The following ITPR2 variants were observed in gnomAD, a reference collection of about 807,000 sequenced individuals.
ITPR2 encodes the protein inositol 1,4,5-trisphosphate receptor type 2.
Under a neutral mutation model 317.1 loss-of-function variants are expected in ITPR2, and 207 were observed. The ratio of observed to expected loss-of-function variants is 0.65; its 90% CI spans 0.58 to 0.73. The LOEUF (loss-of-function observed/expected upper bound fraction) is 0.73, where lower values mean the gene tolerates loss of function less well. ITPR2 is among the 30% of genes least tolerant of loss of function. The probability of loss-of-function intolerance (pLI) is 0.00; values close to 1 mark genes in which losing one functional copy is unlikely to be tolerated. For missense variants in ITPR2, 2,613 were observed against 3,284.0 expected, an observed-to-expected ratio of 0.80 and a Z score of 4.99; for synonymous variants, 1,156 against 1,149.1, an observed-to-expected ratio of 1.01 and a Z score of -0.12.
At chr12:26,821,796 AG>A (rs1271879002) in intron 1 of ITPR2, among the ~76,000 whole-genome samples, 3 of 152,374 alleles carry the variant, frequency 2.0e-5, no homozygotes, top group Admixed American at 2.0e-4. Context: ...CAAGAGTTCC[AG>A]GGCAATTCAC....
rs55797555 is a variant in ITPR2 at position 26,769,027 on chromosome 12, C to CACACACACACACACACACA, written c.163+21129_163+21130insTGTGTGTGTGTGTGTGTGT. On this transcript the variant is annotated intron_variant, in intron 2 of 56. Coordinates refer to ENST00000381340, the MANE Select transcript of ITPR2 (RefSeq NM_002223.4). Reference sequence around the variant, plus strand: ...CACACACACACACACACACACACACCCCAATCTCAGCCACATAGTAAAACA... The same window carrying CACACACACACACACACACA: ...CACACACACACACACACACACACACCACACACACACACACACACACCAATCTCAGCCACATAGTAAAACA... Among the ~76,000 whole-genome samples the CACACACACACACACACACA allele has an allele frequency of 3.4e-3, 380 of 112,324 alleles. 3 individuals carry two copies. Among genetic ancestry groups the CACACACACACACACACACA allele is most frequent in the Non-Finnish European group, 4.9e-3 (284 of 58,140 alleles). 73.7% of individuals were successfully genotyped at this position (112,324 alleles called of 152,430 possible).
At chr12:26,469,997 G>A (rs1041237336) in intron 45 of ITPR2, among the ~76,000 whole-genome samples, 4 of 152,148 alleles carry the variant, frequency 2.6e-5, no homozygotes, top group Non-Finnish European at 4.4e-5. Context: ...GCAAGTCAGC[G>A]GAAGTGAGTA....
In ITPR2 at chr12:26,427,946, A is replaced by G. The variant is rs767099771; in HGVS notation, c.6912T>C (p.Leu2304=). ...IMLRSIYTIG[L]GPTLILLGAA... is the part of the protein sequence containing the mutation. The stretch of plus-strand genomic sequence containing the variant: ...CACCAAGAAGTATTAATGTAGGCCC[A>G]AGACCTATTGTATATATTGATCTGA... The change falls in exon 49 of 57, where the codon CTT becomes CTC. Residue 2304 remains leucine (L), a synonymous_variant. Coordinates refer to ENST00000381340, the MANE Select transcript of ITPR2 (RefSeq NM_002223.4). 50 of 1,608,484 alleles carry G rather than the reference A, an allele frequency of 3.1e-5. No homozygotes were observed. Among genetic ancestry groups the G allele is most frequent in the Non-Finnish European group, 3.8e-5 (45 of 1,177,616 alleles).
At chr12:26,589,853 T>TATACACACAC (rs780511857) in intron 32 of ITPR2, among the ~76,000 whole-genome samples, 1 of 57,312 alleles carries the variant, frequency 1.7e-5, no homozygotes, top group African/African-American at 5.7e-5. Context: ...TATATATATA[T>TATACACACAC]ACACACACAC....
intron 36 of ITPR2, among the ~76,000 whole-genome samples, chr12:26,551,811 A>G (rs1258501016): frequency 2.0e-5 from 3 of 152,254 alleles, no homozygotes; most frequent in African/African-American, 2.4e-5. Context: ...AATGAGAAGC[A>G]TGACAACTGC....
chr12:26,528,302 G>A (rs190409459), intron 37 of ITPR2, among the ~76,000 whole-genome samples: 6 of 152,284 alleles, frequency 3.9e-5, no homozygotes, highest in East Asian at 1.9e-4. Context: ...CAAACTGTTC[G>A]AAATAGAACC....
At chr12:26,356,271 T>G (rs1420514322) in intron 55 of ITPR2, among the ~76,000 whole-genome samples, 8 of 152,168 alleles carry the variant, frequency 5.3e-5, no homozygotes, top group Admixed American at 4.6e-4. Context: ...TGCACACACC[T>G]TCACCTCCAC....
At chr12:26,434,933 A>G (rs1297069714) in intron 48 of ITPR2, among the ~76,000 whole-genome samples, 2 of 152,230 alleles carry the variant, frequency 1.3e-5, no homozygotes. Context: ...ACCAAACACA[A>G]TGAAGAGAAT....
intron 43 of ITPR2, among the ~76,000 whole-genome samples, chr12:26,479,226 T>C (rs1482965226): frequency 6.6e-6 from 1 of 151,354 alleles, no homozygotes; most frequent in Non-Finnish European, 1.5e-5. Context: ...GTCATATTTT[T>C]AAAAGGTAGC....
Position 26,474,991 on chromosome 12 carries a change from C to T in ITPR2, c.6342+305G>A, listed in dbSNP as rs905462215. On this transcript the variant is annotated intron_variant, in intron 45 of 56. Transcript: ENST00000381340. ...TGTCTCCCCAGTAGCCTCTCTTCCC[C>T]TCTCCTTCAGGACCCTCATTTTTTG... 2.5e-4 allele frequency among the ~76,000 whole-genome samples: 38 copies of T among 152,204 alleles called. 1 individual carries two copies. The highest frequency in any genetic ancestry group is 3.4e-3 in the Middle Eastern group (1 of 294).
chr12:26,513,130 C>T (rs1345288849), intron 37 of ITPR2, among the ~76,000 whole-genome samples: 3 of 152,010 alleles, frequency 2.0e-5, no homozygotes, highest in Non-Finnish European at 4.4e-5. Context: ...TGTGAGCCAC[C>T]GCGCCCGGCC....
chr12:26,497,981 C>T (rs533119176), intron 37 of ITPR2, among the ~76,000 whole-genome samples: 19 of 152,276 alleles, frequency 1.2e-4, no homozygotes, highest in African/African-American at 3.9e-4. Flanking sequence ...GGCAATCTGC[C>T]GGCCTCAGCC....
rs1322200098 is a variant in ITPR2 at position 26,423,431 on chromosome 12, C to T, written c.6946-4218G>A. ...CTGCTAAACTCCATTTGCTCCTTCTCTCTGCAAATGGTGAGACCAACTTAT... is the reference window on the plus strand; with the variant it reads ...CTGCTAAACTCCATTTGCTCCTTCTTTCTGCAAATGGTGAGACCAACTTAT... On this transcript the variant is annotated intron_variant, in intron 49 of 56. Transcript: ENST00000381340. Among the ~76,000 whole-genome samples, 2 of 152,146 alleles carry T rather than the reference C, an allele frequency of 1.3e-5. 1 individual carries two copies. The highest frequency in any genetic ancestry group is 4.8e-5 in the African/African-American group (2 of 41,440).
intron 13 of ITPR2, among the ~76,000 whole-genome samples, chr12:26,680,395 A>C (rs895799122): frequency 6.6e-6 from 1 of 152,144 alleles, no homozygotes; most frequent in East Asian, 1.9e-4. Flanking sequence ...ACTATGTCAA[A>C]ATTTAAAAAT....
At chr12:26,616,915 TTTC>T (rs1223761375) in intron 26 of ITPR2, among the ~76,000 whole-genome samples, 4 of 151,642 alleles carry the variant, frequency 2.6e-5, no homozygotes, top group African/African-American at 9.8e-5. Flanking sequence ...GTAAATATAT[TTTC>T]TTTTCCTTAC....
At chr12:26,461,693 C>T (rs1276540023) in intron 45 of ITPR2, among the ~76,000 whole-genome samples, 68 of 22,272 alleles carry the variant, frequency 3.1e-3, no homozygotes, top group Non-Finnish European at 5.4e-3. Flanking sequence ...TATATATATA[C>T]ACACACACAC....
At chr12:26,559,774 T>C (rs1220670347) in intron 35 of ITPR2, among the ~76,000 whole-genome samples, 2 of 152,196 alleles carry the variant, frequency 1.3e-5, no homozygotes, top group African/African-American at 4.8e-5. Flanking sequence ...TAAGCACCTT[T>C]GCATTTCCTA....
At chr12:26,562,081 T>C in intron 34 of ITPR2, 129 bp from the exon 35 acceptor site, 1 of 630,306 alleles carries the variant, frequency 1.6e-6, no homozygotes, top group Non-Finnish European at 2.4e-6. Flanking sequence ...ACTTGTTTTA[T>C]ATAACTGTAA....
At chr12:26,366,336 T>G (rs903461285) in intron 55 of ITPR2, among the ~76,000 whole-genome samples, 1 of 152,198 alleles carries the variant, frequency 6.6e-6, no homozygotes, top group East Asian at 1.9e-4. Flanking sequence ...CAACAATTCT[T>G]TCTGCTAATT....
Sources: allele counts gnomAD v4.1 joint callset (sites outside exome capture counted in the v4.1 genomes callset), GRCh38; gene constraint gnomAD v4.1.1; transcripts MANE v1.5; gene names NCBI Gene and HGNC (gene_info 2026-07-23, HGNC 2026-07-21).